WDR49: variants seen among roughly 807,000 people sequenced by gnomAD.
WDR49 encodes the protein WD repeat domain 49, also known as cilia- and flagella-associated protein 337.
WDR49 carries 107 observed loss-of-function variants against 119.5 expected under a neutral mutation model. That is an observed-to-expected ratio of 0.90 (90% CI 0.77 to 1.05). The LOEUF is 1.05. Ranked by LOEUF, WDR49 falls within the 50% of genes least tolerant of loss-of-function variation. The pLI, the probability that WDR49 is intolerant of heterozygous loss-of-function variation, is 0.00. For synonymous variants in WDR49, 425 were observed against 418.8 expected (o/e 1.01, Z -0.18); for missense variants, 1,240 against 1,220.5 (o/e 1.02, Z -0.24).
intron 8 of WDR49, among the ~76,000 whole-genome samples, chr3:167,567,273 T>C (rs2108276238): frequency 6.6e-6 from 1 of 152,332 alleles, no homozygotes; most frequent in African/African-American, 2.4e-5. Flanking sequence ...CTCAGTCACC[T>C]GTTTGAAAGC....
At chr3:167,593,166 G>C (rs1715229358) in intron 7 of WDR49, among the ~76,000 whole-genome samples, 1 of 152,016 alleles carries the variant, frequency 6.6e-6, no homozygotes, top group African/African-American at 2.4e-5. Context: ...GAAGTTCTCT[G>C]TTATTATCCC....
At chr3:167,588,185 T>A (rs1714916019) in intron 7 of WDR49, among the ~76,000 whole-genome samples, 1 of 152,138 alleles carries the variant, frequency 6.6e-6, no homozygotes, top group African/African-American at 2.4e-5. Context: ...CTCCCACAAA[T>A]AAGTGAGAAC....
intron 10 of WDR49, among the ~76,000 whole-genome samples, chr3:167,552,591 T>C (rs1712639779): frequency 6.6e-6 from 1 of 152,090 alleles, no homozygotes; most frequent in East Asian, 1.9e-4. Flanking sequence ...TAAATAATTA[T>C]TTCAGTTGAG....
chr3:167,502,994 G>GA (rs1162318469), intron 17 of WDR49, among the ~76,000 whole-genome samples: 1 of 152,160 alleles, frequency 6.6e-6, no homozygotes. Context: ...CAAGACAACA[G>GA]AAAAAAGGCC....
At chr3:167,612,586 AAG>A (rs1302952343) in intron 5 of WDR49, among the ~76,000 whole-genome samples, 2 of 152,140 alleles carry the variant, frequency 1.3e-5, no homozygotes, top group Non-Finnish European at 2.9e-5. Flanking sequence ...TTAAGAAAAA[AAG>A]AGAGTATATC....
intron 5 of WDR49, among the ~76,000 whole-genome samples, chr3:167,614,856 G>A (rs746389440): frequency 6.6e-6 from 1 of 152,176 alleles, no homozygotes; most frequent in Non-Finnish European, 1.5e-5. Context: ...AGAGTTCTAA[G>A]AATATTGAAT....
At chr3:167,499,101 T>TA (rs146502147) in intron 18 of WDR49, among the ~76,000 whole-genome samples, 1,917 of 151,810 alleles carry the variant, frequency 0.013, 34 homozygotes, top group African/African-American at 0.044. Context: ...TTTTTTAAAA[T>TA]AAAAAAAACA....
At chr3:167,639,080 C>G (rs1177768680) in intron 2 of WDR49, among the ~76,000 whole-genome samples, 4 of 151,884 alleles carry the variant, frequency 2.6e-5, no homozygotes, top group African/African-American at 7.2e-5. Flanking sequence ...ATGCTTATCA[C>G]TATCAGCTTT....
intron 18 of WDR49, among the ~76,000 whole-genome samples, chr3:167,489,192 A>T (rs1429773535): frequency 6.6e-6 from 1 of 152,060 alleles, no homozygotes; most frequent in Non-Finnish European, 1.5e-5. Context: ...ATATATCCCT[A>T]GCACCCAGCA....
chr3:167,598,130 C>A (rs967924988), intron 7 of WDR49, among the ~76,000 whole-genome samples: 5 of 151,820 alleles, frequency 3.3e-5, no homozygotes, highest in Non-Finnish European at 5.9e-5. Flanking sequence ...CATGGTGAAC[C>A]CTGTCTTTAC....
upstream of WDR49, among the ~76,000 whole-genome samples, chr3:167,657,540 C>A (rs190336218): frequency 4.4e-4 from 66 of 150,992 alleles, no homozygotes; most frequent in African/African-American, 1.4e-3. Flanking sequence ...CTCCTCCCCC[C>A]CCACAATTTA....
In WDR49 at chr3:167,605,017, T is replaced by A. The variant is rs868723237; in HGVS notation, c.959-549A>T. ...GTATAATAACTTAATTTGCTTTGTGTGTGTGTGTGTGTGTGTGTGTGTGTG... is the reference window on the plus strand; with the variant it reads ...GTATAATAACTTAATTTGCTTTGTGAGTGTGTGTGTGTGTGTGTGTGTGTG... On this transcript the variant is annotated intron_variant, in intron 5 of 18. Transcript: ENST00000682715. 2.2e-5 allele frequency among the ~76,000 whole-genome samples: 3 copies of A among 135,000 alleles called. No individual in the cohort carries two copies. The East Asian group carries it at 5.9e-4, about 27-fold the overall frequency. 88.6% of individuals were successfully genotyped at this position (135,000 alleles called of 152,430 possible). A position where few individuals can be genotyped will look rare whatever the true frequency, so the allele number is the denominator to read the frequency against.
intron 7 of WDR49, among the ~76,000 whole-genome samples, chr3:167,587,370 A>T (rs1714872460): frequency 6.6e-6 from 1 of 152,230 alleles, no homozygotes; most frequent in Non-Finnish European, 1.5e-5. Flanking sequence ...CTTTAGACTC[A>T]AAGTAATATG....
chr3:167,484,320 T>C (rs74989982), intron 18 of WDR49, among the ~76,000 whole-genome samples: 2 of 152,188 alleles, frequency 1.3e-5, no homozygotes, highest in East Asian at 3.9e-4. Context: ...AGGGGAGGGA[T>C]AGCATTAAGA....
At chr3:167,549,312 G>C (rs1712403394) in intron 10 of WDR49, among the ~76,000 whole-genome samples, 1 of 152,296 alleles carries the variant, frequency 6.6e-6, no homozygotes. Context: ...CCCACCAACA[G>C]TGTAAAAGTG....
chr3:167,556,041 A>G (rs62278310), intron 9 of WDR49, among the ~76,000 whole-genome samples: 42,587 of 152,040 alleles, frequency 0.28, 6,165 homozygotes, highest in South Asian at 0.32. Flanking sequence ...GTAGAAATAT[A>G]GCATTATAAT....
rs1560266152 is a variant in WDR49, at chr3:167,521,999, TAGATAGATAGATAGATAGA to T, written c.2774+297_2774+315del. Among the ~76,000 whole-genome samples, 163 of 146,938 alleles carry T rather than the reference TAGATAGATAGATAGATAGA, an allele frequency of 1.1e-3. 1 individual carries two copies. The highest frequency in any genetic ancestry group is 4.5e-4 in the South Asian group (2 of 4,460). On this transcript the variant is annotated intron_variant, in intron 16 of 18. Transcript: ENST00000682715. ...ATAGATAGATAGATAGATAGATAGA[TAGATAGATAGATAGATAGA>T]TTGTTTTTGAAGAAAGGGGCAAATT...
At chr3:167,549,378 A>C (rs968527863) in intron 10 of WDR49, among the ~76,000 whole-genome samples, 4 of 152,064 alleles carry the variant, frequency 2.6e-5, no homozygotes, top group South Asian at 2.1e-4. Flanking sequence ...TTTTAACGAT[A>C]GCCATTCTAA....
At chr3:167,653,963 GTTGT>G (rs1718505088), upstream of WDR49, 1 of 152,624 alleles carries the variant, frequency 6.6e-6, no homozygotes, top group Non-Finnish European at 1.5e-5. Context: ...GCAATGTGGA[GTTGT>G]TTGTTTCATC....
Sources: allele counts gnomAD v4.1 joint callset (sites outside exome capture counted in the v4.1 genomes callset), GRCh38; gene constraint gnomAD v4.1.1; transcripts MANE v1.5; gene names NCBI Gene and HGNC (gene_info 2026-07-23, HGNC 2026-07-21).